Variants in GPC5 observed in about 807,000 individuals in gnomAD.
GPC5 encodes the protein glypican 5, also known as glypican-5.
A neutral mutation model predicts 53.9 loss-of-function variants in GPC5; 47 were observed. That is an observed-to-expected ratio of 0.87 (90% CI 0.69 to 1.11). GPC5 has a LOEUF of 1.11. GPC5 is among the 50% of genes most tolerant of loss of function. GPC5 has a pLI of 0.00. For missense variants in GPC5, 748 were observed against 713.1 expected (o/e 1.05, Z -0.56); for synonymous variants, 286 against 263.3 (o/e 1.09, Z -0.84).
At chr13:91,868,765 T>C (rs1388120139) in intron 5 of GPC5, among the ~76,000 whole-genome samples, 1 of 151,966 alleles carries the variant, frequency 6.6e-6, no homozygotes. Context: ...AGGTAGAGGT[T>C]AGAGGGGAAG....
At chr13:92,111,093 G>A (rs76427475) in intron 6 of GPC5, among the ~76,000 whole-genome samples, 15,320 of 152,142 alleles carry the variant, frequency 0.1, 1,068 homozygotes, top group Admixed American at 0.17. Context: ...CAAATATGGT[G>A]GCTTTAATAA....
At chr13:92,584,811 G>C (rs1883485293) in intron 7 of GPC5, among the ~76,000 whole-genome samples, 1 of 152,060 alleles carries the variant, frequency 6.6e-6, no homozygotes, top group African/African-American at 2.4e-5. Flanking sequence ...CTGAATCCCA[G>C]TCACTCCAGC....
chr13:92,526,041 T>G (rs1224302632), intron 7 of GPC5, among the ~76,000 whole-genome samples: 1 of 152,142 alleles, frequency 6.6e-6, no homozygotes, highest in Non-Finnish European at 1.5e-5. Context: ...AAGTATCTCC[T>G]GTCTTAAATG....
At chr13:92,406,773 C>T (rs760113362) in intron 7 of GPC5, among the ~76,000 whole-genome samples, 2 of 152,140 alleles carry the variant, frequency 1.3e-5, no homozygotes, top group Non-Finnish European at 2.9e-5. Context: ...TTTCAGAGTA[C>T]TCAATATGAT....
At chr13:92,305,834 C>T (rs1410138164) in intron 7 of GPC5, among the ~76,000 whole-genome samples, 4 of 152,172 alleles carry the variant, frequency 2.6e-5, no homozygotes, top group Non-Finnish European at 5.9e-5. Context: ...ACATATATTG[C>T]TTTGCCTATA....
chr13:91,473,143 A>C (rs1882731810), intron 2 of GPC5, among the ~76,000 whole-genome samples: 1 of 152,092 alleles, frequency 6.6e-6, no homozygotes, highest in Non-Finnish European at 1.5e-5. Context: ...AAACAATCAA[A>C]TCTCATGAGA....
chr13:91,496,152 G>T (rs1410952128), intron 2 of GPC5, among the ~76,000 whole-genome samples: 2 of 151,996 alleles, frequency 1.3e-5, no homozygotes, highest in African/African-American at 4.8e-5. Flanking sequence ...ATTGCATTAT[G>T]CAAAGGAATA....
At chr13:92,663,691 C>CTA (rs1004191446) in intron 7 of GPC5, among the ~76,000 whole-genome samples, 2 of 138,612 alleles carry the variant, frequency 1.4e-5, no homozygotes, top group East Asian at 4.2e-4. Flanking sequence ...TATATATCTA[C>CTA]TATATATATT....
At chr13:92,671,973 A>T (rs535079214) in intron 7 of GPC5, among the ~76,000 whole-genome samples, 2 of 152,318 alleles carry the variant, frequency 1.3e-5, no homozygotes, top group African/African-American at 2.4e-5. Flanking sequence ...TTGCAAAATC[A>T]TTGCCAGGGA....
chr13:92,644,601 G>A (rs1434938889), intron 7 of GPC5, among the ~76,000 whole-genome samples: 1 of 151,762 alleles, frequency 6.6e-6, no homozygotes, highest in African/African-American at 2.4e-5. Flanking sequence ...TTGATTGGAG[G>A]GAAAAAAGGT....
chr13:91,843,548 C>T (rs2038813734), intron 5 of GPC5, among the ~76,000 whole-genome samples: 1 of 152,088 alleles, frequency 6.6e-6, no homozygotes, highest in Non-Finnish European at 1.5e-5. Context: ...TAAGATTTCC[C>T]TCACCTTGTA....
chr13:92,204,694 A>G (rs2042320189), intron 7 of GPC5, among the ~76,000 whole-genome samples: 1 of 152,342 alleles, frequency 6.6e-6, no homozygotes, highest in African/African-American at 2.4e-5. Context: ...GAAAAGATAC[A>G]GATCCAAAGG....
chr13:91,743,487 G>A (rs1383095395), intron 4 of GPC5, among the ~76,000 whole-genome samples: 1 of 152,000 alleles, frequency 6.6e-6, no homozygotes, highest in Non-Finnish European at 1.5e-5. Context: ...GTTTTTCATG[G>A]TAAAGAACCT....
intron 5 of GPC5, among the ~76,000 whole-genome samples, chr13:91,900,174 T>C (rs925496955): frequency 6.6e-6 from 1 of 152,174 alleles, no homozygotes. Context: ...AAAAAAGCTA[T>C]ATAAGATTCT....
intron 2 of GPC5, among the ~76,000 whole-genome samples, chr13:91,535,597 T>G (rs957417204): frequency 1.1e-4 from 17 of 152,154 alleles, no homozygotes; most frequent in Admixed American, 5.2e-4. Context: ...CTTTGAAGCA[T>G]AGGAATTATC....
chr13:92,593,072 G>A (rs965522885), intron 7 of GPC5, among the ~76,000 whole-genome samples: 8 of 151,214 alleles, frequency 5.3e-5, no homozygotes, highest in Non-Finnish European at 1.2e-4. Flanking sequence ...GTTGAGGGAT[G>A]GGGATGAACT....
intron 7 of GPC5, among the ~76,000 whole-genome samples, chr13:92,796,852 C>A (rs1216653665): frequency 6.6e-6 from 1 of 152,052 alleles, no homozygotes; most frequent in Admixed American, 6.6e-5. Flanking sequence ...AAATAACCCT[C>A]ACATTTCTAA....
At chr13:91,609,458 AGAG>A (rs1240465691) in intron 2 of GPC5, among the ~76,000 whole-genome samples, 1 of 152,184 alleles carries the variant, frequency 6.6e-6, no homozygotes, top group Non-Finnish European at 1.5e-5. Flanking sequence ...TATCAACCCC[AGAG>A]GAGGACTCTA....
intron 7 of GPC5, among the ~76,000 whole-genome samples, chr13:92,163,893 G>A (rs2042008782): frequency 1.3e-5 from 2 of 152,192 alleles, no homozygotes; most frequent in South Asian, 4.1e-4. Context: ...TGGCTAGAGA[G>A]GCTTCAGGAA....
Sources: allele counts gnomAD v4.1 joint callset (sites outside exome capture counted in the v4.1 genomes callset), GRCh38; gene constraint gnomAD v4.1.1; transcripts MANE v1.5; gene names NCBI Gene and HGNC (gene_info 2026-07-23, HGNC 2026-07-21).